Variants in DGLUCY observed in about 807,000 individuals in gnomAD.
The protein encoded by DGLUCY is D-glutamate cyclase, also known as D-glutamate cyclase, mitochondrial.
DGLUCY carries 58 observed loss-of-function variants against 58.5 expected under a neutral mutation model. That is an observed-to-expected ratio of 0.99 (90% CI 0.80 to 1.23). The LOEUF (loss-of-function observed/expected upper bound fraction) is 1.23, where lower values mean the gene tolerates loss of function less well. Ranked by LOEUF, DGLUCY falls within the 50% of genes most tolerant of loss-of-function variation. The pLI is 0.00. For missense variants in DGLUCY, 779 were observed against 784.7 expected (o/e 0.99, Z 0.09); for synonymous variants, 325 against 314.1 (o/e 1.03, Z -0.37).
At chr14:91,159,249 C>T (rs2047841250) in intron 2 of DGLUCY, among the ~76,000 whole-genome samples, 1 of 152,072 alleles carries the variant, frequency 6.6e-6, no homozygotes, top group Admixed American at 6.5e-5. Flanking sequence ...GAGTTTGAGA[C>T]CAGCCTGGTC....
intron 1 of DGLUCY, among the ~76,000 whole-genome samples, chr14:91,121,305 T>C (rs2045342853): frequency 6.6e-6 from 1 of 152,182 alleles, no homozygotes; most frequent in African/African-American, 2.4e-5. Context: ...CATGTCCTAC[T>C]CCACCTCCAA....
At position 91,124,177 on chromosome 14, in the gene DGLUCY, C is replaced by T. The variant is rs559809408; in HGVS notation, c.-82+9894C>T. 6.8e-4 allele frequency among the ~76,000 whole-genome samples: 103 copies of T among 151,594 alleles called. 1 individual carries two copies. Among genetic ancestry groups the T allele is most frequent in the African/African-American group, 2.3e-3 (94 of 41,296 alleles). Reference sequence around the variant, plus strand: ...TCCTGACCTCGTGATCCACCCACCTCGGCCTCCCAAAGTGCTGGGATTACA... The same window carrying T: ...TCCTGACCTCGTGATCCACCCACCTTGGCCTCCCAAAGTGCTGGGATTACA... On this transcript the variant is annotated intron_variant, in intron 1 of 13. Coordinates refer to ENST00000256324, the MANE Select transcript of DGLUCY (RefSeq NM_001102368.3).
intron 6 of DGLUCY, among the ~76,000 whole-genome samples, chr14:91,175,095 T>C (rs2048784600): frequency 6.6e-6 from 1 of 152,138 alleles, no homozygotes; most frequent in South Asian, 2.1e-4. Flanking sequence ...GCAGCAGGGC[T>C]CTTTGTCCGG....
intron 8 of DGLUCY, among the ~76,000 whole-genome samples, chr14:91,184,409 G>A (rs1219197540): frequency 1.3e-5 from 2 of 151,308 alleles, no homozygotes; most frequent in Non-Finnish European, 2.9e-5. Flanking sequence ...AAATTAGCTA[G>A]GTGTGGTGGT....
chr14:91,194,654 C>T (rs2050100148), intron 9 of DGLUCY, among the ~76,000 whole-genome samples: 1 of 151,908 alleles, frequency 6.6e-6, no homozygotes, highest in Non-Finnish European at 1.5e-5. Context: ...GATTCTCCTG[C>T]CTCAGCCTCC....
At chr14:91,078,174 G>A (rs965635952) in intron 1 of DGLUCY, among the ~76,000 whole-genome samples, 3 of 152,072 alleles carry the variant, frequency 2.0e-5, no homozygotes, top group African/African-American at 7.2e-5. Context: ...AATTACAGAT[G>A]CCCACCACCA....
intron 12 of DGLUCY, among the ~76,000 whole-genome samples, chr14:91,214,123 T>A (rs1429495299): frequency 6.6e-6 from 1 of 152,022 alleles, no homozygotes; most frequent in Admixed American, 6.6e-5. Context: ...CCATATTAAA[T>A]GACCCCTTTT....
intron 1 of DGLUCY, among the ~76,000 whole-genome samples, chr14:91,136,782 A>G (rs1315159045): frequency 6.6e-6 from 1 of 152,060 alleles, no homozygotes; most frequent in Non-Finnish European, 1.5e-5. Flanking sequence ...CAGCCTGGCC[A>G]ACATGGAGAA....
intron 1 of DGLUCY, among the ~76,000 whole-genome samples, chr14:91,136,709 C>T (rs1305798958): frequency 6.6e-6 from 1 of 151,864 alleles, no homozygotes; most frequent in Non-Finnish European, 1.5e-5. Context: ...TGGCTCGCGC[C>T]TGTAATCCCA....
intron 1 of DGLUCY, among the ~76,000 whole-genome samples, chr14:91,068,075 GCACGCACACACACACA>G (rs1343743889): frequency 1.1e-4 from 5 of 45,996 alleles, no homozygotes; most frequent in African/African-American, 3.5e-4. Flanking sequence ...ACACACACGC[GCACGCACACACACACA>G]CACACACACA....
At chr14:91,192,084 T>A (rs1217276542) in intron 9 of DGLUCY, among the ~76,000 whole-genome samples, 1 of 152,176 alleles carries the variant, frequency 6.6e-6, no homozygotes, top group Non-Finnish European at 1.5e-5. Flanking sequence ...CATAGCACTT[T>A]ATTTGCGACA....
chr14:91,180,089 T>G (rs2049084076), intron 7 of DGLUCY, among the ~76,000 whole-genome samples: 1 of 150,864 alleles, frequency 6.6e-6, no homozygotes, highest in Non-Finnish European at 1.5e-5. Flanking sequence ...AGGGTTTCAC[T>G]ATGTTGCCCA....
chr14:91,108,526 T>TGTGTGTGTGTGAGAGAGAGAGAGA (rs1265665234), intron 1 of DGLUCY, among the ~76,000 whole-genome samples: 2 of 52,118 alleles, frequency 3.8e-5, no homozygotes, highest in Admixed American at 2.7e-4. Context: ...TGTGTGTGTG[T>TGTGTGTGTGTGAGAGAGAGAGAGA]GAGAGAGAGA....
chr14:91,175,657 A>G (rs1449371548), intron 6 of DGLUCY: 2 of 343,018 alleles, frequency 5.8e-6, no homozygotes, highest in African/African-American at 4.3e-5. Context: ...CAATGAGAGT[A>G]CTAGGCTCAA....
At chr14:91,110,196 G>T (rs1173885536), upstream of DGLUCY, among the ~76,000 whole-genome samples, 2 of 152,124 alleles carry the variant, frequency 1.3e-5, no homozygotes, top group Admixed American at 1.3e-4. Context: ...CTCTTCCTGA[G>T]CAATTTTGCC....
At chr14:91,061,628 GAA>G (rs2043687548) in intron 1 of DGLUCY, among the ~76,000 whole-genome samples, 1 of 152,224 alleles carries the variant, frequency 6.6e-6, no homozygotes, top group Non-Finnish European at 1.5e-5. Flanking sequence ...GGATAAGAGA[GAA>G]ATACCAGCAA....
chr14:91,223,681 G>A (rs1256706647), intron 13 of DGLUCY: 15 of 1,287,822 alleles, frequency 1.2e-5, no homozygotes, highest in Non-Finnish European at 1.3e-5. Context: ...ACCAGCAGGA[G>A]AGCAAAGGGA....
intron 1 of DGLUCY, chr14:91,060,802 G>A (rs1416472146): frequency 2.3e-5 from 4 of 176,056 alleles, no homozygotes; most frequent in East Asian, 1.4e-4. Context: ...GACGTTTCAC[G>A]AGCCTCCCCG....
intron 3 of DGLUCY, 116 bp downstream of exon 3, chr14:91,160,513 C>T: frequency 1.4e-6 from 1 of 722,882 alleles, no homozygotes; most frequent in South Asian, 1.9e-5. Flanking sequence ...GCATAGGAAA[C>T]AGAAAGTAAG....
Sources: gnomAD v4.1 joint callset for allele counts (sites outside exome capture counted in the v4.1 genomes callset) on GRCh38, gnomAD v4.1.1 for gene constraint, MANE v1.5 for transcripts, NCBI Gene and HGNC (gene_info 2026-07-23, HGNC 2026-07-21) for gene names.